GRM5: variants seen among roughly 807,000 people sequenced by gnomAD.
GRM5 encodes the protein metabotropic glutamate receptor 5.
GRM5 carries 19 observed loss-of-function variants against 83.1 expected under a neutral mutation model. That is an observed-to-expected ratio of 0.23 (90% CI 0.16 to 0.34). The LOEUF is 0.34. Ranked by LOEUF, GRM5 falls within the 10% of genes least tolerant of loss-of-function variation. GRM5 has a pLI of 1.00. For synonymous variants in GRM5, 675 were observed against 633.6 expected, an observed-to-expected ratio of 1.07 and a Z score of -0.98; for missense variants, 1,160 against 1,588.3, an observed-to-expected ratio of 0.73 and a Z score of 4.58.
intron 4 of GRM5, among the ~76,000 whole-genome samples, chr11:88,647,570 C>T (rs887921594): frequency 2.6e-5 from 4 of 151,922 alleles, no homozygotes; most frequent in African/African-American, 9.7e-5. Flanking sequence ...ACCTAGGCAT[C>T]ACCATTCAGG....
At chr11:88,844,713 G>A (rs2135534176) in intron 3 of GRM5, among the ~76,000 whole-genome samples, 1 of 152,314 alleles carries the variant, frequency 6.6e-6, no homozygotes, top group East Asian at 1.9e-4. Flanking sequence ...ATGAGAGAAG[G>A]TAAAAATATC....
intron 4 of GRM5, among the ~76,000 whole-genome samples, chr11:88,651,789 C>A (rs543918345): frequency 6.6e-6 from 1 of 151,992 alleles, no homozygotes; most frequent in Non-Finnish European, 1.5e-5. Context: ...TCCTCCCTTC[C>A]CCTTCTACCC....
intron 3 of GRM5, among the ~76,000 whole-genome samples, chr11:88,747,822 A>AT (rs1942175789): frequency 6.2e-5 from 3 of 48,568 alleles, no homozygotes; most frequent in Admixed American, 2.3e-4. Flanking sequence ...GATTTGTGTT[A>AT]TTTTTTATTA....
intron 2 of GRM5, among the ~76,000 whole-genome samples, chr11:89,027,165 G>A (rs1941146464): frequency 1.3e-5 from 2 of 151,158 alleles, no homozygotes; most frequent in African/African-American, 4.9e-5. Flanking sequence ...GCGCAATCTC[G>A]GCTCACTGCA....
intron 2 of GRM5, among the ~76,000 whole-genome samples, chr11:88,964,920 A>G (rs1272561297): frequency 1.3e-5 from 2 of 152,292 alleles, no homozygotes; most frequent in African/African-American, 4.8e-5. Flanking sequence ...TGAAAGAAAA[A>G]CTGTGAAAAT....
chr11:88,872,171 C>T (rs1223567323), intron 2 of GRM5, among the ~76,000 whole-genome samples: 2 of 151,332 alleles, frequency 1.3e-5, no homozygotes, highest in Non-Finnish European at 3.0e-5. Context: ...CTAATGAAAG[C>T]TACATGTTTC....
intron 9 of GRM5, among the ~76,000 whole-genome samples, chr11:88,510,510 A>AT (rs61662337): frequency 6.6e-5 from 10 of 151,612 alleles, no homozygotes; most frequent in East Asian, 5.8e-4. Context: ...GACACTCAAG[A>AT]TTTTTTTTTT....
At chr11:88,724,792 G>GAAGT (rs1355649624) in intron 3 of GRM5, among the ~76,000 whole-genome samples, 1 of 152,074 alleles carries the variant, frequency 6.6e-6, no homozygotes, top group Non-Finnish European at 1.5e-5. Context: ...CTTCTTCCGG[G>GAAGT]AAGTACAAGG....
At chr11:88,839,936 A>G (rs969350706) in intron 3 of GRM5, among the ~76,000 whole-genome samples, 39 of 152,160 alleles carry the variant, frequency 2.6e-4, no homozygotes, top group African/African-American at 7.5e-4. Flanking sequence ...AGAAAAATAT[A>G]TATTTACTAT....
chr11:89,021,787 G>A lies in GRM5; in HGVS notation c.661+25425C>T, dbSNP rs535337612. Among the ~76,000 whole-genome samples the A allele has an allele frequency of 2.0e-5, 3 of 152,214 alleles. No individual in the cohort carries two copies. The East Asian group carries it at 5.8e-4, about 29-fold the overall frequency. ...AGAGTCTCAGTTTGTCTATGATGGGGTTATAACGTCTTCCTCACAATGTTA... is the reference window on the plus strand; with the variant it reads ...AGAGTCTCAGTTTGTCTATGATGGGATTATAACGTCTTCCTCACAATGTTA... On this transcript the variant is annotated intron_variant, in intron 2 of 9. Transcript: ENST00000305447.
At chr11:88,941,078 TA>T in intron 2 of GRM5, among the ~76,000 whole-genome samples, 1 of 152,048 alleles carries the variant, frequency 6.6e-6, no homozygotes, top group East Asian at 2.0e-4. Context: ...AAAGATCTTT[TA>T]TACTAATTTT....
chr11:88,755,326 C>T (rs952836829), intron 3 of GRM5, among the ~76,000 whole-genome samples: 5 of 151,996 alleles, frequency 3.3e-5, no homozygotes, highest in East Asian at 1.9e-4. Context: ...TAAAGTAGAA[C>T]GACTTGGTCA....
Position 88,518,970 on chromosome 11 carries a change from T to A in GRM5, c.2726+6339A>T, listed in dbSNP as rs1310791911. Among the ~76,000 whole-genome samples, 5 of 149,362 alleles carry A rather than the reference T, an allele frequency of 3.3e-5. No individual in the cohort carries two copies. In the East Asian group the frequency reaches 9.7e-4, roughly 29 times the overall value. ...AAGACGTAAAAGTGAACCATACATT[T>A]TTGTTTTGTGGCCTTAAAAACCTCA... On this transcript the variant is annotated intron_variant, in intron 9 of 9. Coordinates refer to ENST00000305447, the MANE Select transcript of GRM5 (RefSeq NM_001143831.3).
intron 2 of GRM5, among the ~76,000 whole-genome samples, chr11:88,957,212 C>T (rs773832663): frequency 6.6e-6 from 1 of 152,138 alleles, no homozygotes; most frequent in Non-Finnish European, 1.5e-5. Flanking sequence ...GGAATGGATG[C>T]TTCCGATGAA....
At chr11:88,912,321 C>T (rs1439622240) in intron 2 of GRM5, among the ~76,000 whole-genome samples, 1 of 151,602 alleles carries the variant, frequency 6.6e-6, no homozygotes, top group East Asian at 1.9e-4. Context: ...CTTAAAGGGG[C>T]TGACTTATCC....
intron 2 of GRM5, among the ~76,000 whole-genome samples, chr11:89,006,164 A>G (rs1940517927): frequency 6.6e-6 from 1 of 152,224 alleles, no homozygotes; most frequent in Non-Finnish European, 1.5e-5. Context: ...GTAATTTATA[A>G]TTAAAGAACC....
At chr11:88,878,965 G>A (rs1393052342) in intron 2 of GRM5, among the ~76,000 whole-genome samples, 1 of 152,134 alleles carries the variant, frequency 6.6e-6, no homozygotes, top group Non-Finnish European at 1.5e-5. Flanking sequence ...CAATTTGGCG[G>A]AGGGGTTGAT....
chr11:89,059,684 C>T (rs191325641), intron 1 of GRM5, among the ~76,000 whole-genome samples: 4 of 152,088 alleles, frequency 2.6e-5, no homozygotes, highest in East Asian at 1.9e-4. Flanking sequence ...ACATAGGAAA[C>T]GCAGAAAACT....
chr11:88,567,065 C>T lies in GRM5; in HGVS notation c.2618G>A (p.Gly873Glu). The T allele has an allele frequency of 6.2e-7, 1 of 1,609,100 alleles. No homozygotes were observed. The highest frequency in any genetic ancestry group is 8.5e-7 in the Non-Finnish European group (1 of 1,176,684). The change falls in exon 8 of 10, where the codon GGG becomes GAG. Residue 873 changes from glycine (G) to glutamate (E), a missense_variant. Physicochemically the swap from Gly to Glu is moderately conservative, Grantham distance 98. Coordinates refer to ENST00000305447, the MANE Select transcript of GRM5 (RefSeq NM_001143831.3). The surrounding 1 kb of genome is among the most constrained non-coding windows in gnomAD (Gnocchi z 7.3). ...VNLWKRRGSS[G>E]ETLRYKDRRL... ...CCACAACTTTTACCTTAAGGTTTCC[C>T]CAGAGGAGCCCCTTCTCTTCCACAG...
Sources: allele counts gnomAD v4.1 joint callset (sites outside exome capture counted in the v4.1 genomes callset), GRCh38; gene constraint gnomAD v4.1.1; non-coding constraint Gnocchi (gnomAD v3.1); transcripts MANE v1.5; gene names NCBI Gene and HGNC (gene_info 2026-07-23, HGNC 2026-07-21).